The following ALDH5A1 variants were observed in gnomAD, a reference collection of about 807,000 sequenced individuals.
ALDH5A1 encodes the protein succinate-semialdehyde dehydrogenase, mitochondrial.
A neutral mutation model predicts 54.7 loss-of-function variants in ALDH5A1; 33 were observed. That is an observed-to-expected ratio of 0.60 (90% CI 0.46 to 0.81). The LOEUF is 0.81. Among genes scored for constraint, ALDH5A1 ranks in the 30% least tolerant of loss-of-function variants. The pLI, the probability that ALDH5A1 is intolerant of heterozygous loss-of-function variation, is 0.00. For synonymous variants in ALDH5A1, 294 were observed against 292.7 expected (o/e 1.00, Z -0.05); for missense variants, 657 against 711.0 (o/e 0.92, Z 0.86).
At chr6:24,524,391 G>C (rs1759762798) in intron 7 of ALDH5A1, among the ~76,000 whole-genome samples, 1 of 152,294 alleles carries the variant, frequency 6.6e-6, no homozygotes, top group South Asian at 2.1e-4. Flanking sequence ...ACACAGTGGA[G>C]GCACAGCCAG....
chr6:24,498,750 G>C (rs529048580), intron 1 of ALDH5A1, among the ~76,000 whole-genome samples: 20 of 152,260 alleles, frequency 1.3e-4, no homozygotes, highest in African/African-American at 4.6e-4. Context: ...GATCACCTGA[G>C]GTCAGGAGTT....
intron 7 of ALDH5A1, among the ~76,000 whole-genome samples, chr6:24,525,373 A>T (rs1174856059): frequency 6.6e-6 from 1 of 152,096 alleles, no homozygotes; most frequent in South Asian, 2.1e-4. Flanking sequence ...ATGCACTCAC[A>T]CCTATATTTA....
At position 24,495,070 on chromosome 6, in the gene ALDH5A1, G is replaced by C. The variant is rs1457708018; in HGVS notation, c.74G>C (p.Arg25Pro). 1 of 1,328,544 alleles carries C rather than the reference G, an allele frequency of 7.5e-7. No homozygotes were observed. Among genetic ancestry groups the C allele is most frequent in the South Asian group, 2.2e-5 (1 of 44,848 alleles). 82.3% of individuals were successfully genotyped at this position (1,328,544 alleles called of 1,614,324 possible). A position where few individuals can be genotyped will look rare whatever the true frequency, so the allele number is the denominator to read the frequency against. ...TCGACGTTTCCAGGCTGCCGCCTCC[G>C]CCCCCGCGCCGGCGGCCTGGTCCCT... The part of the protein sequence containing the change: ...LGSTFPGCRL[R>P]PRAGGLVPAS... The change falls in exon 1 of 10, where the codon CGC becomes CCC. Residue 25 changes from arginine to proline, a missense_variant. Physicochemically the swap from Arg to Pro is moderately radical, Grantham distance 103. Around this residue, in one of 2 missense-constraint regions of ALDH5A1, gnomAD observed 232 missense variants for 194.6 expected, o/e 1.19. Coordinates refer to ENST00000357578, the MANE Select transcript of ALDH5A1 (RefSeq NM_001080.3).
intron 6 of ALDH5A1, 72 bp downstream of exon 6, chr6:24,520,616 T>A (rs1759663040): frequency 3.9e-6 from 6 of 1,544,626 alleles, no homozygotes; most frequent in East Asian, 2.3e-5. Flanking sequence ...TGTGTGTGTG[T>A]GATATGTGTG....
At chr6:24,504,793 C>A in intron 3 of ALDH5A1, 76 bp from the exon 4 acceptor site, 1 of 1,408,880 alleles carries the variant, frequency 7.1e-7, no homozygotes, top group Non-Finnish European at 1.0e-6. Context: ...TGTTCACTGA[C>A]TTCCCAACAT....
At chr6:24,512,009 T>C (rs1267429722) in intron 4 of ALDH5A1, 1 of 396,838 alleles carries the variant, frequency 2.5e-6, no homozygotes, top group Non-Finnish European at 4.5e-6. Context: ...CAGATTCTTT[T>C]GTCCCACGGG....
intron 4 of ALDH5A1, among the ~76,000 whole-genome samples, chr6:24,512,374 C>G (rs932533143): frequency 6.6e-6 from 1 of 152,254 alleles, no homozygotes; most frequent in Non-Finnish European, 1.5e-5. Flanking sequence ...CGAGTGGGAG[C>G]TGCAATCTAG....
intron 6 of ALDH5A1, 167 bp from the exon 7 acceptor site, chr6:24,522,600 C>T: frequency 2.8e-6 from 2 of 704,482 alleles, no homozygotes; most frequent in Admixed American, 2.1e-5. Flanking sequence ...TGACTCAGTG[C>T]TTTTATCTTT....
At chr6:24,521,359 CCA>C (rs1465917931) in intron 6 of ALDH5A1, among the ~76,000 whole-genome samples, 1 of 152,242 alleles carries the variant, frequency 6.6e-6, no homozygotes, top group Non-Finnish European at 1.5e-5. Context: ...CGTCTTTGGG[CCA>C]CAGTGTCAAA....
intron 1 of ALDH5A1, among the ~76,000 whole-genome samples, chr6:24,496,746 GTA>G (rs774092758): frequency 1.2e-4 from 19 of 152,184 alleles, no homozygotes; most frequent in Middle Eastern, 3.2e-3. Context: ...TCCTCTGTGT[GTA>G]TATGTGTCCT....
At chr6:24,527,563 T>C (rs2744593) in intron 7 of ALDH5A1, among the ~76,000 whole-genome samples, 127,935 of 152,082 alleles carry the variant, frequency 0.84, 54,724 homozygotes, top group Non-Finnish European at 0.91. Flanking sequence ...CAGAGCGAGA[T>C]TCCATCTCAA....
intron 1 of ALDH5A1, among the ~76,000 whole-genome samples, chr6:24,500,908 T>G (rs577540268): frequency 3.3e-5 from 5 of 152,106 alleles, no homozygotes; most frequent in Non-Finnish European, 5.9e-5. Context: ...TTTTTTTTAA[T>G]TAGCTGAGCA....
chr6:24,525,372 C>T (rs540544808), intron 7 of ALDH5A1, among the ~76,000 whole-genome samples: 29 of 152,182 alleles, frequency 1.9e-4, no homozygotes, highest in Middle Eastern at 3.4e-3. Flanking sequence ...AATGCACTCA[C>T]ACCTATATTT....
chr6:24,519,754 T>TG (rs1253520293), intron 5 of ALDH5A1, among the ~76,000 whole-genome samples: 1 of 135,862 alleles, frequency 7.4e-6, no homozygotes. Flanking sequence ...TATACCATCC[T>TG]GTTTTTTTTT....
intron 1 of ALDH5A1, among the ~76,000 whole-genome samples, chr6:24,496,033 C>G (rs1302721556): frequency 3.3e-5 from 5 of 152,112 alleles, no homozygotes; most frequent in Admixed American, 2.0e-4. Flanking sequence ...GTAGTTTCTT[C>G]CTTCTAATAT....
chr6:24,510,911 T>C (rs183648409), intron 4 of ALDH5A1, among the ~76,000 whole-genome samples: 1 of 152,356 alleles, frequency 6.6e-6, no homozygotes, highest in East Asian at 1.9e-4. Flanking sequence ...TTTTGTTTTA[T>C]AGGTCCTGTG....
chr6:24,515,496 GGGCA>G, intron 5 of ALDH5A1, among the ~76,000 whole-genome samples, 186 bp downstream of exon 5: 2 of 152,154 alleles, frequency 1.3e-5, no homozygotes, highest in Non-Finnish European at 2.9e-5. Flanking sequence ...ATGCTGAGGT[GGGCA>G]GATCACTTGA....
intron 1 of ALDH5A1, among the ~76,000 whole-genome samples, chr6:24,497,455 G>A (rs999987103): frequency 6.6e-6 from 1 of 152,088 alleles, no homozygotes; most frequent in African/African-American, 2.4e-5. Flanking sequence ...CAATCTCCTT[G>A]GTAGCTCCAG....
rs200347773 is a variant in ALDH5A1, at chr6:24,503,245, T to C, written c.439-18T>C. 1.9e-5 allele frequency: 30 copies of C among 1,612,726 alleles called. No individual in the cohort carries two copies. Among genetic ancestry groups the C allele is most frequent in the Non-Finnish European group, 2.5e-5 (30 of 1,179,826 alleles). On this transcript the variant is annotated intron_variant, in intron 2 of 9. Coordinates refer to ENST00000357578, the MANE Select transcript of ALDH5A1 (RefSeq NM_001080.3). ...TTATTAGAAGGTAATACGTGGGTTC[T>C]TTTCTGATTTAATTTAGGGAAAGCC...
Sources: allele counts gnomAD v4.1 joint callset (sites outside exome capture counted in the v4.1 genomes callset), GRCh38; gene constraint gnomAD v4.1.1; regional missense constraint gnomAD v4.1.1; transcripts MANE v1.5; gene names NCBI Gene and HGNC (gene_info 2026-07-23, HGNC 2026-07-21).